Variants in IQANK1 observed in about 807,000 individuals in gnomAD.
IQANK1 encodes the protein IQ motif and ankyrin repeat domain-containing protein 1.
Under a neutral mutation model 22.6 loss-of-function variants are expected in IQANK1, and 30 were observed. The ratio of observed to expected loss-of-function variants is 1.33; its 90% CI spans 0.99 to 1.80. IQANK1 has a LOEUF of 1.80. Ranked by LOEUF, IQANK1 falls within the 40% of genes most tolerant of loss-of-function variation. The probability of loss-of-function intolerance (pLI) is 0.00; values close to 1 mark genes in which losing one functional copy is unlikely to be tolerated. For missense variants in IQANK1, 275 were observed against 235.2 expected, an observed-to-expected ratio of 1.17 and a Z score of -1.11; for synonymous variants, 122 against 99.6, an observed-to-expected ratio of 1.23 and a Z score of -1.34.
At chr8:143,744,646 C>G (rs1818992804) in intron 3 of IQANK1, 1 of 152,192 alleles carries the variant, frequency 6.6e-6, no homozygotes, top group African/African-American at 2.4e-5. Flanking sequence ...ACCACCACAC[C>G]TGCTTCCCTG....
At chr8:143,778,287 G>T (rs1034261932) in intron 7 of IQANK1, among the ~76,000 whole-genome samples, 15 of 152,026 alleles carry the variant, frequency 9.9e-5, no homozygotes, top group African/African-American at 3.6e-4. Flanking sequence ...AAATGTAAAA[G>T]CACAAATAGT....
intron 3 of IQANK1, among the ~76,000 whole-genome samples, chr8:143,756,349 A>G (rs1185616586): frequency 1.3e-5 from 2 of 152,180 alleles, no homozygotes; most frequent in African/African-American, 4.8e-5. Context: ...CTGTCTGAGA[A>G]CCAGGGCTGC....
chr8:143,768,932 G>T (rs1262077963), intron 3 of IQANK1, among the ~76,000 whole-genome samples: 1 of 152,024 alleles, frequency 6.6e-6, no homozygotes, highest in Non-Finnish European at 1.5e-5. Context: ...TACCATCAGG[G>T]TTATTTTATT....
At position 143,739,884 on chromosome 8, in the gene IQANK1, G is replaced by A. The variant is rs557811866; in HGVS notation, c.111G>A (p.Pro37=). Residue 37 remains proline, a synonymous_variant, in exon 3 of 14, where the codon CCG becomes CCA. Transcript: ENST00000527139. ...AAGKPGENRP[P]QRKAGWQARE... is the part of the protein sequence containing the mutation. Reference sequence around the variant, plus strand: ...GGAAGCCCGGGGAGAACCGCCCGCCGCAGAGGAAAGCGGGCTGGCAGGCGA... The same window carrying A: ...GGAAGCCCGGGGAGAACCGCCCGCCACAGAGGAAAGCGGGCTGGCAGGCGA... The A allele has an allele frequency of 2.6e-4, 178 of 696,778 alleles. 1 individual carries two copies. In the African/African-American group the frequency reaches 2.8e-3, roughly 11 times the overall value. 43.2% of individuals were successfully genotyped at this position (696,778 alleles called of 1,614,324 possible).
Position 143,790,616 on chromosome 8 carries a change from C to T in IQANK1, c.*8C>T. 2.5e-6 allele frequency: 1 copy of T among 398,786 alleles called. No individual in the cohort carries two copies. Among genetic ancestry groups the T allele is most frequent in the Non-Finnish European group, 4.4e-6 (1 of 226,092 alleles). The allele number at this position is 398,786 out of a possible 1,614,324, so 24.7% of individuals were successfully genotyped here. A position where few individuals can be genotyped will look rare whatever the true frequency, so the allele number is the denominator to read the frequency against. ...CCAGGCACAGGCCTCTAGTGCTGGCCCCAGTCCCAATAAAACGTGTGCCCC... is the reference window on the plus strand; with the variant it reads ...CCAGGCACAGGCCTCTAGTGCTGGCTCCAGTCCCAATAAAACGTGTGCCCC... On this transcript the variant is annotated 3_prime_UTR_variant, in exon 14 of 14. Coordinates refer to ENST00000527139, the MANE Select transcript of IQANK1 (RefSeq NM_001381874.1).
chr8:143,750,368 G>A (rs1276679582), intron 3 of IQANK1, among the ~76,000 whole-genome samples: 1 of 151,902 alleles, frequency 6.6e-6, no homozygotes, highest in Admixed American at 6.6e-5. Context: ...TCCTCTTTTG[G>A]TTTCTATTTG....
At position 143,751,683 on chromosome 8, in the gene IQANK1, C is replaced by T. The variant is rs1006664036; in HGVS notation, c.175+11735C>T. ...GTGTGTGTATATATATATATAAAATCCTATACAAAACAGACATAGACTTAG... is the reference window on the plus strand; with the variant it reads ...GTGTGTGTATATATATATATAAAATTCTATACAAAACAGACATAGACTTAG... On this transcript the variant is annotated intron_variant, in intron 3 of 13. Transcript: ENST00000527139. Among the ~76,000 whole-genome samples the T allele has an allele frequency of 5.1e-4, 17 of 33,250 alleles. No individual in the cohort carries two copies. In the East Asian group the frequency reaches 9.5e-3, roughly 19 times the overall value. The allele number at this position is 33,250 out of a possible 152,430, so 21.8% of individuals were successfully genotyped here.
In IQANK1 at chr8:143,789,864, A is replaced by G. The variant is rs1236534473; in HGVS notation, c.1190A>G (p.Gln397Arg). Residue 397 changes from glutamine (Q) to arginine (R), a missense_variant, in exon 11 of 14, where the codon CAG (glutamine) becomes CGG (arginine). Gln to Arg is a conservative substitution (Grantham distance 43, BLOSUM62 1). Coordinates refer to ENST00000527139, the MANE Select transcript of IQANK1 (RefSeq NM_001381874.1). ...MARLELREQT[Q>R]EGEEEAPGLK... The stretch of plus-strand genomic sequence containing the variant: ...AGGCTGGAGCTTCGGGAGCAGACGC[A>G]GGAGGGTGGGCCTGGCATGGGGCGC... 3 of 1,232,058 alleles carry G rather than the reference A, an allele frequency of 2.4e-6. No individual in the cohort carries two copies. The highest frequency in any genetic ancestry group is 3.0e-6 in the Non-Finnish European group (3 of 988,120). 76.3% of individuals were successfully genotyped at this position (1,232,058 alleles called of 1,614,324 possible). A position where few individuals can be genotyped will look rare whatever the true frequency, so the allele number is the denominator to read the frequency against.
rs782249775 is a variant in IQANK1 at position 143,771,087 on chromosome 8, G to A, written c.176-401G>A. Among the ~76,000 whole-genome samples the A allele has an allele frequency of 2.6e-4, 39 of 152,300 alleles. No individual in the cohort carries two copies. The highest frequency in any genetic ancestry group is 5.3e-4 in the Non-Finnish European group (36 of 68,000). ...GGCTGTGATGAGCCCTCCCAGGCCT[G>A]GGGCCCCCCCGCTCAGTCCAGCCTT... On this transcript the variant is annotated intron_variant, in intron 3 of 13. Transcript: ENST00000527139. The surrounding 1 kb of genome is among the most constrained non-coding windows in gnomAD (Gnocchi z 6.0).
chr8:143,747,993 T>TC (rs782135107), intron 3 of IQANK1, among the ~76,000 whole-genome samples: 1,715 of 110,438 alleles, frequency 0.016, 68 homozygotes, highest in African/African-American at 0.048. Context: ...CCCTTTCCTT[T>TC]CTTTTCCTTT....
chr8:143,750,278 G>A (rs1427510797), intron 3 of IQANK1, among the ~76,000 whole-genome samples: 1 of 152,120 alleles, frequency 6.6e-6, no homozygotes, highest in Non-Finnish European at 1.5e-5. Context: ...GATTACAGGT[G>A]TGAGTCACCG....
In IQANK1 at chr8:143,770,453, A is replaced by G. The variant is rs541253978; in HGVS notation, c.176-1035A>G. ...TTCTCCTTCGCTGTGATTTTCCCAC[A>G]TGGGCTCAGCTCTCCACCCTGCCCC... is the stretch of plus-strand genomic sequence containing the variant. On this transcript the variant is annotated intron_variant, in intron 3 of 13. Coordinates refer to ENST00000527139, the MANE Select transcript of IQANK1 (RefSeq NM_001381874.1). 1.3e-4 allele frequency among the ~76,000 whole-genome samples: 20 copies of G among 152,186 alleles called. No individual in the cohort carries two copies. In the South Asian group the frequency reaches 4.2e-3, roughly 32 times the overall value.
intron 3 of IQANK1, among the ~76,000 whole-genome samples, chr8:143,749,267 GTATATATAAATA>G: frequency 8.7e-6 from 1 of 115,492 alleles, no homozygotes; most frequent in Non-Finnish European, 1.6e-5. Context: ...TGATATAAAT[GTATATATAAATA>G]TATATAAAAA....
chr8:143,738,714 G>T (rs560541677), intron 2 of IQANK1, among the ~76,000 whole-genome samples: 106 of 147,912 alleles, frequency 7.2e-4, no homozygotes, highest in Non-Finnish European at 1.4e-3. Context: ...GCCCCATCCC[G>T]GCTCCCCCGG....
At chr8:143,753,983 G>A (rs1041050915) in intron 3 of IQANK1, among the ~76,000 whole-genome samples, 2 of 152,030 alleles carry the variant, frequency 1.3e-5, no homozygotes, top group Non-Finnish European at 2.9e-5. Flanking sequence ...CTCAGCTGGG[G>A]TATAAACTTA....
intron 2 of IQANK1, among the ~76,000 whole-genome samples, chr8:143,739,005 C>T (rs943879365): frequency 6.6e-6 from 1 of 152,166 alleles, no homozygotes; most frequent in Non-Finnish European, 1.5e-5. Flanking sequence ...AGAGACTGGG[C>T]CCTCAAAGCC....
intron 3 of IQANK1, among the ~76,000 whole-genome samples, chr8:143,751,585 C>CTTTTTTTTTTTTTTTTTT (rs1563771485): frequency 7.0e-6 from 1 of 143,652 alleles, no homozygotes; most frequent in African/African-American, 2.6e-5. Flanking sequence ...TCACTCCAGC[C>CTTTTTTTTTTTTTTTTTT]TGGGCAACAG....
At chr8:143,749,065 TATC>T (rs1345504997) in intron 3 of IQANK1, among the ~76,000 whole-genome samples, 1 of 121,922 alleles carries the variant, frequency 8.2e-6, no homozygotes, top group Non-Finnish European at 1.6e-5. Flanking sequence ...TATAAATATA[TATC>T]ATATATGATA....
chr8:143,751,965 T>G (rs1379310215), intron 3 of IQANK1, among the ~76,000 whole-genome samples: 1 of 151,764 alleles, frequency 6.6e-6, no homozygotes, highest in African/African-American at 2.4e-5. Context: ...TTTATTATTC[T>G]TATTATTTTT....
Sources: allele counts gnomAD v4.1 joint callset (sites outside exome capture counted in the v4.1 genomes callset), GRCh38; gene constraint gnomAD v4.1.1; non-coding constraint Gnocchi (gnomAD v3.1); transcripts MANE v1.5; gene names NCBI Gene and HGNC (gene_info 2026-07-23, HGNC 2026-07-21).